HPSE2: variants seen among roughly 807,000 people sequenced by gnomAD.
The protein encoded by HPSE2 is inactive heparanase-2.
In HPSE2, 38 loss-of-function variants were observed where a neutral mutation model predicts 60.5. The observed-to-expected ratio is 0.63, with a 90% CI of 0.48 to 0.82. The LOEUF is 0.82. Among genes scored for constraint, HPSE2 ranks in the 40% least tolerant of loss-of-function variants. The pLI, the probability that HPSE2 is intolerant of heterozygous loss-of-function variation, is 0.00. For missense variants in HPSE2, 713 were observed against 740.4 expected, an observed-to-expected ratio of 0.96 and a Z score of 0.43; for synonymous variants, 295 against 293.2, an observed-to-expected ratio of 1.01 and a Z score of -0.06.
intron 3 of HPSE2, among the ~76,000 whole-genome samples, chr10:98,861,422 G>T (rs541590733): frequency 6.6e-6 from 1 of 152,200 alleles, no homozygotes; most frequent in East Asian, 1.9e-4. Flanking sequence ...TGAAGCAGTA[G>T]AGGGTAGAGA....
At chr10:98,577,713 A>G (rs1050804045) in intron 9 of HPSE2, among the ~76,000 whole-genome samples, 1 of 152,146 alleles carries the variant, frequency 6.6e-6, no homozygotes, top group Non-Finnish European at 1.5e-5. Flanking sequence ...AGTGCCACTG[A>G]AATTCATTTG....
At chr10:99,047,826 A>C in intron 3 of HPSE2, 3 of 803,452 alleles carry the variant, frequency 3.7e-6, no homozygotes, top group African/African-American at 1.7e-5. Flanking sequence ...GAATATAGGC[A>C]GATGTACAGA....
At chr10:98,846,659 A>C (rs1305548835) in intron 3 of HPSE2, among the ~76,000 whole-genome samples, 1 of 152,250 alleles carries the variant, frequency 6.6e-6, no homozygotes, top group African/African-American at 2.4e-5. Context: ...ACAAAGAAGC[A>C]TATTTAAACA....
chr10:98,945,964 T>C (rs993066526), intron 3 of HPSE2, among the ~76,000 whole-genome samples: 7 of 152,134 alleles, frequency 4.6e-5, no homozygotes, highest in African/African-American at 1.4e-4. Flanking sequence ...GGTCAACTTA[T>C]ATGCAGATTT....
At chr10:98,708,975 C>G (rs1176938869) in intron 5 of HPSE2, among the ~76,000 whole-genome samples, 1 of 152,170 alleles carries the variant, frequency 6.6e-6, no homozygotes, top group Admixed American at 6.5e-5. Flanking sequence ...CCCCATGAAC[C>G]TTCCCTGAAC....
chr10:98,520,847 C>T (rs912707123), intron 9 of HPSE2, among the ~76,000 whole-genome samples: 18 of 152,120 alleles, frequency 1.2e-4, no homozygotes, highest in African/African-American at 4.1e-4. Context: ...ACATCTACAA[C>T]CATCTGATCT....
At position 98,919,755 on chromosome 10, in the gene HPSE2, A is replaced by G. The variant is rs557107371; in HGVS notation, c.611-175699T>C. On this transcript the variant is annotated intron_variant, in intron 3 of 11. Transcript: ENST00000370552. ...GTGGCAAAGTTTTAACAAATTCCAG[A>G]AAAAATAAAAATAAAAGTACAGATA... Among the ~76,000 whole-genome samples, 127 of 152,330 alleles carry G rather than the reference A, an allele frequency of 8.3e-4. No individual in the cohort carries two copies. In the Middle Eastern group the frequency reaches 0.01, roughly 12 times the overall value.
At chr10:98,736,299 T>C (rs183682445) in intron 4 of HPSE2, among the ~76,000 whole-genome samples, 26 of 152,128 alleles carry the variant, frequency 1.7e-4, no homozygotes, top group Middle Eastern at 3.4e-3. Context: ...CCCAGTCACA[T>C]GGAACTGTGA....
chr10:99,171,860 A>G (rs1564865808), intron 2 of HPSE2, among the ~76,000 whole-genome samples: 2 of 152,016 alleles, frequency 1.3e-5, no homozygotes, highest in East Asian at 3.9e-4. Context: ...ACTTTCCCCT[A>G]GAGTGTCTAG....
intron 3 of HPSE2, among the ~76,000 whole-genome samples, chr10:98,915,431 G>GCCAC (rs1467928763): frequency 5.8e-4 from 89 of 152,176 alleles, no homozygotes; most frequent in Non-Finnish European, 9.1e-4. Context: ...ATAGGTGTGA[G>GCCAC]CCACCGCGCC....
the HPSE2 span, among the ~76,000 whole-genome samples, chr10:99,243,955 A>T: frequency 2.0e-5 from 3 of 152,188 alleles, no homozygotes; most frequent in Non-Finnish European, 4.4e-5. Flanking sequence ...ATAAAATATT[A>T]ATCTCAAACA....
At chr10:98,870,400 G>A (rs537516694) in intron 3 of HPSE2, among the ~76,000 whole-genome samples, 1 of 152,132 alleles carries the variant, frequency 6.6e-6, no homozygotes, top group Non-Finnish European at 1.5e-5. Flanking sequence ...TTAAGAAGCA[G>A]GGTAAAGTAA....
chr10:99,084,149 CCAT>C (rs1843240125), intron 3 of HPSE2, among the ~76,000 whole-genome samples: 2 of 151,740 alleles, frequency 1.3e-5, no homozygotes, highest in Admixed American at 1.3e-4. Flanking sequence ...GCAGCAAGGA[CCAT>C]AAAACTCAAT....
intron 3 of HPSE2, 34 bp from the exon 4 acceptor site, chr10:98,744,090 A>G: frequency 6.3e-7 from 1 of 1,598,400 alleles, no homozygotes; most frequent in Non-Finnish European, 8.6e-7. Context: ...TGTAACTTTC[A>G]AATCAACATT....
chr10:98,717,319 T>C (rs1032954456), intron 5 of HPSE2, among the ~76,000 whole-genome samples: 1 of 152,154 alleles, frequency 6.6e-6, no homozygotes, highest in Non-Finnish European at 1.5e-5. Flanking sequence ...TTTCTTATCA[T>C]TCTTGTGTTC....
chr10:99,046,333 A>AAAAT, intron 3 of HPSE2, among the ~76,000 whole-genome samples: 1 of 152,286 alleles, frequency 6.6e-6, no homozygotes, highest in Non-Finnish European at 1.5e-5. Context: ...AACATACCTC[A>AAAAT]AAATAGTAAG....
At chr10:98,560,792 C>A (rs928480471) in intron 9 of HPSE2, among the ~76,000 whole-genome samples, 5 of 152,100 alleles carry the variant, frequency 3.3e-5, no homozygotes, top group Non-Finnish European at 7.3e-5. Context: ...GACATCATAG[C>A]CATTGTAATG....
chr10:99,017,608 T>A (rs1204801864), intron 3 of HPSE2, among the ~76,000 whole-genome samples: 1 of 152,164 alleles, frequency 6.6e-6, no homozygotes, highest in Non-Finnish European at 1.5e-5. Context: ...TAGTACCAGT[T>A]CTTCTTTGTA....
intron 3 of HPSE2, among the ~76,000 whole-genome samples, chr10:99,041,352 T>C (rs1230397121): frequency 6.6e-6 from 1 of 151,896 alleles, no homozygotes; most frequent in African/African-American, 2.4e-5. Flanking sequence ...CCACCCAGGA[T>C]TGTCAGCAGA....
Sources: gnomAD v4.1 joint callset for allele counts (sites outside exome capture counted in the v4.1 genomes callset) on GRCh38, gnomAD v4.1.1 for gene constraint, MANE v1.5 for transcripts, NCBI Gene and HGNC (gene_info 2026-07-23, HGNC 2026-07-21) for gene names.